The following SLC39A12 variants were observed in gnomAD, a reference collection of about 807,000 sequenced individuals.
The protein encoded by SLC39A12 is zinc transporter ZIP12.
SLC39A12 carries 63 observed loss-of-function variants against 71.1 expected under a neutral mutation model. The ratio of observed to expected loss-of-function variants is 0.89; its 90% CI spans 0.72 to 1.09. The LOEUF is 1.09. Ranked by LOEUF, SLC39A12 falls within the 50% of genes least tolerant of loss-of-function variation. SLC39A12 has a pLI of 0.00. For missense variants in SLC39A12, 892 were observed against 812.6 expected (o/e 1.10, Z -1.19); for synonymous variants, 351 against 301.3 (o/e 1.16, Z -1.71).
In SLC39A12 at chr10:17,978,080, G is replaced by A. The variant is rs1441661520; in HGVS notation, c.924+6G>A. The A allele has an allele frequency of 1.9e-6, 3 of 1,548,786 alleles. No homozygotes were observed. Among genetic ancestry groups the A allele is most frequent in the South Asian group, 1.3e-5 (1 of 77,696 alleles). ...GTCCAGTTTCCTGGGATCAGGTATT[G>A]CCATTGTTTCTCTTATTCAAGCATT... is the stretch of plus-strand genomic sequence containing the variant. On this transcript the variant is annotated splice_donor_region_variant and intron_variant, in intron 5 of 12. Coordinates refer to ENST00000377369, the MANE Select transcript of SLC39A12 (RefSeq NM_001145195.2).
rs1210614077 is a variant in SLC39A12, at chr10:18,042,830, A to G, written c.2073A>G (p.Ile691Met). ...CTATATATGAGCAAAATATTAAAAT[A>G]TAAGTGAGGATCTTCAACATCTTTC... ...LLAIYEQNIK[I>M] The change falls in exon 13 of 13, where the codon ATA (isoleucine) becomes ATG (methionine). Residue 691 changes from isoleucine (I) to methionine (M), a missense_variant. By Grantham distance (10) the Ile-to-Met change is conservative. Transcript: ENST00000377369. The G allele has an allele frequency of 3.1e-6, 5 of 1,603,266 alleles. No individual in the cohort carries two copies. Among genetic ancestry groups the G allele is most frequent in the East Asian group, 2.3e-5 (1 of 44,354 alleles).
intron 10 of SLC39A12, among the ~76,000 whole-genome samples, chr10:17,999,452 T>C (rs1835772847): frequency 6.6e-6 from 1 of 152,206 alleles, no homozygotes; most frequent in Non-Finnish European, 1.5e-5. Flanking sequence ...TATCAAGTGG[T>C]CTACCTAGGC....
At chr10:17,956,444 C>A (rs1834552563) in intron 2 of SLC39A12, among the ~76,000 whole-genome samples, 1 of 152,094 alleles carries the variant, frequency 6.6e-6, no homozygotes, top group Non-Finnish European at 1.5e-5. Flanking sequence ...GGAATCAGAT[C>A]TCTGAGGATC....
At chr10:17,979,404 A>G (rs1285213461) in intron 5 of SLC39A12, among the ~76,000 whole-genome samples, 1 of 152,214 alleles carries the variant, frequency 6.6e-6, no homozygotes, top group African/African-American at 2.4e-5. Flanking sequence ...AACAAACTGG[A>G]GAAAGATGCA....
At chr10:18,027,368 C>A (rs1470582788) in intron 12 of SLC39A12, among the ~76,000 whole-genome samples, 3 of 152,180 alleles carry the variant, frequency 2.0e-5, no homozygotes, top group African/African-American at 7.2e-5. Context: ...AACCAGTTTC[C>A]CCTGAGGGAA....
At chr10:17,962,297 A>G (rs911384759) in intron 3 of SLC39A12, among the ~76,000 whole-genome samples, 4 of 152,232 alleles carry the variant, frequency 2.6e-5, no homozygotes, top group Admixed American at 2.6e-4. Flanking sequence ...ATTTCACTGA[A>G]GAAGCAGCTT....
chr10:17,979,471 T>C (rs1835199559), intron 5 of SLC39A12, among the ~76,000 whole-genome samples: 1 of 152,254 alleles, frequency 6.6e-6, no homozygotes, highest in African/African-American at 2.4e-5. Flanking sequence ...AGGCATTTTC[T>C]GATAGGAATT....
chr10:18,004,498 G>A (rs1013255962), intron 12 of SLC39A12: 1 of 152,146 alleles, frequency 6.6e-6, no homozygotes, highest in African/African-American at 2.4e-5. Flanking sequence ...CGTTGTTGAA[G>A]TTAAGTCTTA....
At chr10:17,952,915 T>C (rs1489199467) in intron 1 of SLC39A12, among the ~76,000 whole-genome samples, 1 of 152,268 alleles carries the variant, frequency 6.6e-6, no homozygotes, top group African/African-American at 2.4e-5. Context: ...ACCTGGGTCC[T>C]ATAACTTGTA....
chr10:17,968,558 T>G (rs975298390), intron 4 of SLC39A12, among the ~76,000 whole-genome samples: 3 of 152,122 alleles, frequency 2.0e-5, no homozygotes, highest in African/African-American at 7.2e-5. Flanking sequence ...AATTCTCTCA[T>G]TCATTGTTTA....
rs370314906 is a variant in SLC39A12 at position 17,977,945 on chromosome 10, T to C, written c.795T>C (p.Cys265=). The C allele has an allele frequency of 9.9e-6, 16 of 1,611,464 alleles. No individual in the cohort carries two copies. In the East Asian group the frequency reaches 1.1e-4, roughly 11 times the overall value. The change falls in exon 5 of 13, where the codon TGT becomes TGC. Residue 265 remains cysteine, a synonymous_variant. Transcript: ENST00000377369. ...LLNTLWTRST[C]IKNEKIHQFQ... is the part of the protein sequence containing the mutation. ...ACACTCTCTGGACCAGAAGTACTTG[T>C]ATCAAAAATGAGAAAATCCATCAAT...
At chr10:17,959,036 A>T (rs1261440412) in intron 2 of SLC39A12, among the ~76,000 whole-genome samples, 2 of 152,214 alleles carry the variant, frequency 1.3e-5, no homozygotes, top group Non-Finnish European at 2.9e-5. Context: ...ATGGCTACCA[A>T]CAAATTGTAG....
intron 3 of SLC39A12, among the ~76,000 whole-genome samples, chr10:17,962,261 T>C (rs955830004): frequency 2.6e-5 from 4 of 152,212 alleles, no homozygotes; most frequent in African/African-American, 9.6e-5. Context: ...CAGAGACATT[T>C]TGAAAGTGAT....
At chr10:18,035,948 G>A (rs949614094) in intron 12 of SLC39A12, among the ~76,000 whole-genome samples, 1 of 152,210 alleles carries the variant, frequency 6.6e-6, no homozygotes, top group Non-Finnish European at 1.5e-5. Flanking sequence ...GTGCCTCCCA[G>A]TTAGGCTGCT....
chr10:18,006,465 C>T (rs1000893859), intron 12 of SLC39A12, among the ~76,000 whole-genome samples: 2 of 152,204 alleles, frequency 1.3e-5, no homozygotes, highest in Non-Finnish European at 2.9e-5. Flanking sequence ...GTGTCCTAGA[C>T]TGGGTTTCCT....
At chr10:17,982,467 C>G (rs1336004496) in intron 6 of SLC39A12, among the ~76,000 whole-genome samples, 3 of 152,070 alleles carry the variant, frequency 2.0e-5, no homozygotes, top group Non-Finnish European at 2.9e-5. Context: ...TTTGAGAGAG[C>G]CTGCAATAGC....
intron 6 of SLC39A12, among the ~76,000 whole-genome samples, chr10:17,983,523 C>T (rs1237417158): frequency 2.6e-5 from 4 of 151,840 alleles, no homozygotes; most frequent in Non-Finnish European, 5.9e-5. Flanking sequence ...GTGGCTTATG[C>T]CTGTAATCCC....
intron 6 of SLC39A12, among the ~76,000 whole-genome samples, chr10:17,983,585 C>A (rs1420650557): frequency 6.6e-6 from 1 of 152,110 alleles, no homozygotes; most frequent in Admixed American, 6.6e-5. Context: ...AGTTCGAGAC[C>A]AGCCTGGCCA....
At chr10:17,975,398 G>A (rs141827515) in intron 4 of SLC39A12, among the ~76,000 whole-genome samples, 94 of 152,260 alleles carry the variant, frequency 6.2e-4, no homozygotes, top group Non-Finnish European at 5.6e-4. Context: ...AGTCCTGCCC[G>A]GACTGGGTCC....
Sources: allele counts gnomAD v4.1 joint callset (sites outside exome capture counted in the v4.1 genomes callset), GRCh38; gene constraint gnomAD v4.1.1; transcripts MANE v1.5; gene names NCBI Gene and HGNC (gene_info 2026-07-23, HGNC 2026-07-21).